SPATA13: variants seen among roughly 807,000 people sequenced by gnomAD.
SPATA13 encodes spermatogenesis associated 13.
SPATA13 carries 50 observed loss-of-function variants against 104.0 expected under a neutral mutation model. The observed-to-expected ratio is 0.48, with a 90% CI of 0.38 to 0.61. The LOEUF is 0.61. Among genes scored for constraint, SPATA13 ranks in the 20% least tolerant of loss-of-function variants. SPATA13 has a pLI of 0.00. For synonymous variants in SPATA13, 606 were observed against 667.5 expected (o/e 0.91, Z 1.42); for missense variants, 1,524 against 1,690.6 (o/e 0.90, Z 1.73).
intron 3 of SPATA13, among the ~76,000 whole-genome samples, chr13:24,154,599 T>A (rs2138475018): frequency 6.6e-6 from 1 of 152,350 alleles, no homozygotes; most frequent in South Asian, 2.1e-4. Context: ...GTATTAGTTT[T>A]CTATGATGTG....
chr13:24,121,985 C>T (rs1881044713), intron 3 of SPATA13: 1 of 969,932 alleles, frequency 1.0e-6, no homozygotes, highest in Admixed American at 1.7e-5. Flanking sequence ...GAGTAGATAA[C>T]ATGAACCACT....
chr13:24,116,411 T>C (rs1465217079), intron 3 of SPATA13, among the ~76,000 whole-genome samples: 1 of 152,078 alleles, frequency 6.6e-6, no homozygotes, highest in African/African-American at 2.4e-5. Flanking sequence ...TTGGGGGACA[T>C]ATACATTGAG....
chr13:24,291,292 G>A (rs914962579), intron 9 of SPATA13, among the ~76,000 whole-genome samples: 3 of 152,212 alleles, frequency 2.0e-5, no homozygotes, highest in East Asian at 1.9e-4. Context: ...TGAGGTTGAC[G>A]TACAGCAGCT....
intron 3 of SPATA13, among the ~76,000 whole-genome samples, chr13:24,019,488 T>C (rs1174658110): frequency 6.6e-6 from 1 of 152,218 alleles, no homozygotes; most frequent in Non-Finnish European, 1.5e-5. Context: ...TGTAATTATG[T>C]TTTGTTTGTG....
At chr13:24,162,951 C>A (rs1449951182) in intron 1 of SPATA13, among the ~76,000 whole-genome samples, 1 of 152,214 alleles carries the variant, frequency 6.6e-6, no homozygotes, top group East Asian at 1.9e-4. Flanking sequence ...CAGTGGAGGA[C>A]ATGAATTCTA....
intron 11 of SPATA13, among the ~76,000 whole-genome samples, chr13:24,298,745 C>A (rs1421010947): frequency 2.0e-5 from 3 of 152,142 alleles, no homozygotes; most frequent in Non-Finnish European, 4.4e-5. Flanking sequence ...TTCTGTCCTC[C>A]CCAGCCACTG....
chr13:24,299,063 G>A lies in SPATA13; in HGVS notation c.3583+1328G>A, dbSNP rs773491460. 7.9e-5 allele frequency among the ~76,000 whole-genome samples: 12 copies of A among 152,148 alleles called. No homozygotes were observed. The East Asian group carries it at 1.2e-3, about 15-fold the overall frequency. ...CCCATTGGAATAGGGCTAATCACTC[G>A]TGCCCAGAATTCATTTGAAGATGAC... On this transcript the variant is annotated intron_variant, in intron 11 of 12. Transcript: ENST00000382108.
At chr13:24,137,204 A>G (rs1296039675) in intron 3 of SPATA13, among the ~76,000 whole-genome samples, 1 of 152,208 alleles carries the variant, frequency 6.6e-6, no homozygotes, top group Non-Finnish European at 1.5e-5. Context: ...CACTGTGTGA[A>G]CTTGGCAAAA....
chr13:24,207,566 C>T (rs1365669794), intron 1 of SPATA13, among the ~76,000 whole-genome samples: 1 of 151,216 alleles, frequency 6.6e-6, no homozygotes, highest in East Asian at 1.9e-4. Flanking sequence ...GGGTTCGTTT[C>T]TCCACATCCC....
Position 24,074,313 on chromosome 13 carries a change from C to T in SPATA13, c.-112+56612C>T, listed in dbSNP as rs77833614. On this transcript the variant is annotated intron_variant, in intron 3 of 14. Transcript: ENST00000424834. Reference sequence around the variant, plus strand: ...GTTTATTTAACTCAAGATTCATCCACGTGGTAGCATGTGCTAGGATTTCCT... The same window carrying T: ...GTTTATTTAACTCAAGATTCATCCATGTGGTAGCATGTGCTAGGATTTCCT... Among the ~76,000 whole-genome samples, 848 of 152,296 alleles carry T rather than the reference C, an allele frequency of 5.6e-3. 2 individuals are homozygous for T. The highest frequency in any genetic ancestry group is 8.2e-3 in the Non-Finnish European group (561 of 68,032).
At chr13:24,063,512 G>A (rs1358479868) in intron 3 of SPATA13, among the ~76,000 whole-genome samples, 1 of 151,924 alleles carries the variant, frequency 6.6e-6, no homozygotes, top group Non-Finnish European at 1.5e-5. Flanking sequence ...TCCCAAACAT[G>A]CCTGCCAGAT....
intron 3 of SPATA13, among the ~76,000 whole-genome samples, chr13:24,041,171 G>A (rs549146505): frequency 6.6e-6 from 1 of 152,332 alleles, no homozygotes; most frequent in South Asian, 2.1e-4. Flanking sequence ...TCAACCCACA[G>A]TAGCTCAGAA....
chr13:24,132,025 C>T (rs9553197), intron 3 of SPATA13, among the ~76,000 whole-genome samples: 70,318 of 151,890 alleles, frequency 0.46, 17,673 homozygotes, highest in South Asian at 0.58. Context: ...CAATGAGATG[C>T]GCTTGAGTGA....
intron 2 of SPATA13, among the ~76,000 whole-genome samples, chr13:24,013,458 C>T (rs1380176619): frequency 3.3e-5 from 5 of 152,176 alleles, no homozygotes; most frequent in Admixed American, 3.3e-4. Flanking sequence ...ATACCTGGGA[C>T]ACTGCTTGGG....
Position 24,090,759 on chromosome 13 carries a change from A to C in SPATA13, c.-112+73058A>C, listed in dbSNP as rs184079945. 2.0e-5 allele frequency among the ~76,000 whole-genome samples: 3 copies of C among 152,356 alleles called. No homozygotes were observed. The East Asian group carries it at 5.8e-4, about 29-fold the overall frequency. On this transcript the variant is annotated intron_variant, in intron 3 of 14. Coordinates refer to the SPATA13 transcript ENST00000424834. ...TGAACATATTTATAATAGCTGACTT[A>C]AAAACTTAAATCCAACATCTGGGCC...
At chr13:24,102,040 G>A (rs1047185676) in intron 3 of SPATA13, among the ~76,000 whole-genome samples, 1 of 152,158 alleles carries the variant, frequency 6.6e-6, no homozygotes, top group African/African-American at 2.4e-5. Context: ...TATTTTTAAT[G>A]TTTTGAGAAA....
chr13:24,143,743 A>G (rs1435151861), intron 3 of SPATA13, among the ~76,000 whole-genome samples: 2 of 152,164 alleles, frequency 1.3e-5, no homozygotes, highest in African/African-American at 2.4e-5. Context: ...CCCTTTTCAG[A>G]AACTGTCTGG....
At chr13:24,259,539 G>A (rs1330000716) in intron 4 of SPATA13, among the ~76,000 whole-genome samples, 1 of 152,162 alleles carries the variant, frequency 6.6e-6, no homozygotes, top group Non-Finnish European at 1.5e-5. Flanking sequence ...TACTGCTCTG[G>A]TTTTTTCTGT....
chr13:24,224,290 C>T lies in SPATA13; in HGVS notation c.1361C>T (p.Thr454Ile), dbSNP rs1440545871. ...SCDPNAGSQL[T>I]FDPEQPPTPL... ...GACCCAAACGCTGGCAGCCAGTTGA[C>T]ATTTGACCCTGAGCAGCCTCCCACC... is the stretch of plus-strand genomic sequence containing the variant. The change falls in exon 2 of 13, where the codon ACA (threonine) becomes ATA (isoleucine). Residue 454 changes from threonine to isoleucine, a missense_variant. By Grantham distance (89) the Thr-to-Ile change is moderately conservative. Coordinates refer to ENST00000382108, the MANE Select transcript of SPATA13 (RefSeq NM_001166271.3). 1 of 1,551,762 alleles carries T rather than the reference C, an allele frequency of 6.4e-7. No homozygotes were observed. The highest frequency in any genetic ancestry group is 1.4e-5 in the African/African-American group (1 of 73,166).
Sources: allele counts gnomAD v4.1 joint callset (sites outside exome capture counted in the v4.1 genomes callset), GRCh38; gene constraint gnomAD v4.1.1; transcripts MANE v1.5; gene names NCBI Gene and HGNC (gene_info 2026-07-23, HGNC 2026-07-21).